The following PSME1 variants were observed in gnomAD, a reference collection of about 807,000 sequenced individuals.
PSME1 encodes proteasome activator subunit 1, also known as proteasome activator complex subunit 1.
PSME1 carries 15 observed loss-of-function variants against 38.4 expected under a neutral mutation model. That is an observed-to-expected ratio of 0.39 (90% confidence interval 0.26 to 0.60). PSME1 has a LOEUF of 0.60. Ranked by LOEUF, PSME1 falls within the 20% of genes least tolerant of loss-of-function variation. PSME1 has a pLI of 0.53. For synonymous variants in PSME1, 106 were observed against 106.8 expected (o/e 0.99, Z 0.05); for missense variants, 249 against 305.6 (o/e 0.81, Z 1.38).
In PSME1 at chr14:24,137,173, A is replaced by C. The variant is rs781177768; in HGVS notation, c.103A>C (p.Lys35Gln). 1.2e-6 allele frequency: 2 copies of C among 1,614,006 alleles called. No individual in the cohort carries two copies. Among genetic ancestry groups the C allele is most frequent in the Admixed American group, 3.3e-5 (2 of 60,002 alleles). Residue 35 changes from lysine to glutamine, a missense_variant, in exon 3 of 11, where the codon AAG becomes CAG. Transcript: ENST00000206451. The part of the protein sequence containing the change: ...TENLLGSYFP[K>Q]KISELDAFLK... ...GAACCTGCTCGGGAGCTATTTCCCC[A>C]AGAAGATTTCTGAGCTGGATGCATT... is the stretch of plus-strand genomic sequence containing the variant.
Position 24,138,342 on chromosome 14 carries a change from C to T in PSME1, c.528-3C>T, listed in dbSNP as rs984187241. The T allele has an allele frequency of 1.9e-6, 3 of 1,614,062 alleles. No homozygotes were observed. The highest frequency in any genetic ancestry group is 2.5e-6 in the Non-Finnish European group (3 of 1,180,040). On this transcript the variant is annotated splice_region_variant and splice_polypyrimidine_tract_variant and intron_variant, in intron 8 of 10. Transcript: ENST00000206451. The stretch of plus-strand genomic sequence containing the variant: ...TACTCCATACACACTTCTCCTTCCA[C>T]AGGTATTTCTCTGAGCGTGGTGATG...
intron 6 of PSME1, 54 bp from the exon 7 acceptor site, chr14:24,137,995 A>T (rs1314806596): frequency 6.3e-7 from 1 of 1,596,910 alleles, no homozygotes; most frequent in Non-Finnish European, 8.6e-7. Flanking sequence ...GAGAATATGA[A>T]ACTGGGAATT....
rs374696333 is a variant in PSME1, at chr14:24,138,484, G to A, written c.593G>A (p.Arg198Gln). 1.2e-5 allele frequency: 20 copies of A among 1,614,002 alleles called. No individual in the cohort carries two copies. Among genetic ancestry groups the A allele is most frequent in the Non-Finnish European group, 1.4e-5 (17 of 1,180,024 alleles). Residue 198 changes from arginine (R) to glutamine (Q), a missense_variant, in exon 10 of 11, where the codon CGG (arginine) becomes CAG (glutamine). Transcript: ENST00000206451. ...CCGAGCTTCCCACAGGGTGATTATC[G>A]GCAGCTGGTGCACGAGCTGGATGAG... The part of the protein sequence containing the change: ...AAKQPHVGDY[R>Q]QLVHELDEAE...
rs201818976 is a variant in PSME1, at chr14:24,136,312, C to T, written c.39+11C>T. On this transcript the variant is annotated intron_variant, in intron 1 of 10. Transcript: ENST00000206451. The surrounding 1 kb of genome is among the most constrained non-coding windows in gnomAD (Gnocchi z 4.8). ...GAGGCCCAAGCCAAGGTGAGCGCCG[C>T]GGGGTCTAGAAAGGGCCCACTGGGG... 2.0e-5 allele frequency: 30 copies of T among 1,521,932 alleles called. No homozygotes were observed. In the East Asian group the frequency reaches 8.3e-4, roughly 42 times the overall value. 94.3% of individuals were successfully genotyped at this position (1,521,932 alleles called of 1,614,324 possible).
In PSME1 at chr14:24,137,477, T is replaced by C. The variant is rs773427113; in HGVS notation, c.247-43T>C. 3.2e-5 allele frequency: 51 copies of C among 1,613,786 alleles called. No homozygotes were observed. The Admixed American group carries it at 5.2e-4, about 16-fold the overall frequency. ...AGAAGGGATCCAACTATGGGGGTAA[T>C]CAACCTTAGTCCTGACTCTCATGAG... On this transcript the variant is annotated intron_variant, in intron 4 of 10. Coordinates refer to ENST00000206451, the MANE Select transcript of PSME1 (RefSeq NM_006263.4).
At chr14:24,138,670 A>C in intron 10 of PSME1, 66 bp from the exon 11 acceptor site, 1 of 1,613,578 alleles carries the variant, frequency 6.2e-7, no homozygotes, top group Non-Finnish European at 8.5e-7. Flanking sequence ...GCTTCTCCAC[A>C]AGGCTAGAAA....
Position 24,136,198 on chromosome 14 carries a change from C to T in PSME1, c.-65C>T. On this transcript the variant is annotated 5_prime_UTR_variant, in exon 1 of 11. Coordinates refer to ENST00000206451, the MANE Select transcript of PSME1 (RefSeq NM_006263.4). The surrounding 1 kb of genome is among the most constrained non-coding windows in gnomAD (Gnocchi z 4.8). ...GGAGCTGGGTGCGAGCGCCCTACCG[C>T]TTTCGCTTTCCCTTCGCGGTGCCCA... The T allele has an allele frequency of 6.7e-7, 1 of 1,494,064 alleles. No homozygotes were observed. Among genetic ancestry groups the T allele is most frequent in the Non-Finnish European group, 9.0e-7 (1 of 1,114,778 alleles). 92.6% of individuals were successfully genotyped at this position (1,494,064 alleles called of 1,614,324 possible).
chr14:24,136,195 C>T lies in PSME1; in HGVS notation c.-68C>T, dbSNP rs1349228113. 4.7e-6 allele frequency: 7 copies of T among 1,487,500 alleles called. No homozygotes were observed. The highest frequency in any genetic ancestry group is 1.3e-5 in the South Asian group (1 of 78,882). 92.1% of individuals were successfully genotyped at this position (1,487,500 alleles called of 1,614,324 possible). On this transcript the variant is annotated 5_prime_UTR_variant, in exon 1 of 11. Transcript: ENST00000206451. This position sits in a 1 kb window ranked among gnomAD's most constrained non-coding sequence, Gnocchi z 4.8. ...GGCGGAGCTGGGTGCGAGCGCCCTA[C>T]CGCTTTCGCTTTCCCTTCGCGGTGC...
rs567181540 is a variant in PSME1, at chr14:24,136,206, T to C, written c.-57T>C. 2.3e-5 allele frequency: 35 copies of C among 1,502,762 alleles called. No individual in the cohort carries two copies. The highest frequency in any genetic ancestry group is 3.1e-5 in the Non-Finnish European group (35 of 1,122,168). 93.1% of individuals were successfully genotyped at this position (1,502,762 alleles called of 1,614,324 possible). ...GTGCGAGCGCCCTACCGCTTTCGCT[T>C]TCCCTTCGCGGTGCCCACTCCACTC... On this transcript the variant is annotated 5_prime_UTR_variant, in exon 1 of 11. Coordinates refer to ENST00000206451, the MANE Select transcript of PSME1 (RefSeq NM_006263.4). This position sits in a 1 kb window ranked among gnomAD's most constrained non-coding sequence, Gnocchi z 4.8.
chr14:24,138,086 A>T lies in PSME1; in HGVS notation c.428A>T (p.Glu143Val). 6.2e-7 allele frequency: 1 copy of T among 1,614,204 alleles called. No homozygotes were observed. Among genetic ancestry groups the T allele is most frequent in the Non-Finnish European group, 8.5e-7 (1 of 1,180,028 alleles). Residue 143 changes from glutamate (E) to valine (V), a missense_variant, in exon 7 of 11, where the codon GAG (glutamate) becomes GTG (valine). By Grantham distance (121) the Glu-to-Val change is moderately radical. Transcript: ENST00000206451. ...TWLQLQIPRIEDGNNFGVAVQ... is the reference protein window; with the variant it reads ...TWLQLQIPRIVDGNNFGVAVQ... Reference sequence around the variant, plus strand: ...TTGCAGCTGCAGATACCTCGGATTGAGGATGGTAACAATTTTGGAGTGGCT... The same window carrying T: ...TTGCAGCTGCAGATACCTCGGATTGTGGATGGTAACAATTTTGGAGTGGCT...
At position 24,137,126 on chromosome 14, in the gene PSME1, C is replaced by T. The variant is rs769699987; in HGVS notation, c.73-17C>T. The T allele has an allele frequency of 3.5e-5, 56 of 1,613,976 alleles. No individual in the cohort carries two copies. The highest frequency in any genetic ancestry group is 4.2e-5 in the Non-Finnish European group (50 of 1,179,942). ...GATGCTGACTCCCATCCTCCTCCAC[C>T]CCCACCTCACACACAGACAGAGAAC... On this transcript the variant is annotated splice_polypyrimidine_tract_variant and intron_variant, in intron 2 of 10. Coordinates refer to ENST00000206451, the MANE Select transcript of PSME1 (RefSeq NM_006263.4).
chr14:24,136,251 C>T lies in PSME1; in HGVS notation c.-12C>T, dbSNP rs767533935. On this transcript the variant is annotated 5_prime_UTR_variant, in exon 1 of 11. Coordinates refer to ENST00000206451, the MANE Select transcript of PSME1 (RefSeq NM_006263.4). This position sits in a 1 kb window ranked among gnomAD's most constrained non-coding sequence, Gnocchi z 4.8. The stretch of plus-strand genomic sequence containing the variant: ...CCACTCCTTGTGCGGCGCTAGGCCC[C>T]CCGTCCCGGTCATGGCCATGCTCAG... The T allele has an allele frequency of 1.3e-6, 2 of 1,524,190 alleles. No homozygotes were observed. The highest frequency in any genetic ancestry group is 1.4e-5 in the African/African-American group (1 of 69,436). The allele number at this position is 1,524,190 out of a possible 1,614,324, so 94.4% of individuals were successfully genotyped here. A position where few individuals can be genotyped will look rare whatever the true frequency, so the allele number is the denominator to read the frequency against.
Position 24,138,380 on chromosome 14 carries a change from C to T in PSME1, c.563C>T (p.Ala188Val). ...GAGCGTGGTGATGCAGTGACTAAAG[C>T]AGCCAAGCAGCCCCATGTGGTAGGT... ...FSERGDAVTK[A>V]AKQPHVGDYR... Residue 188 changes from alanine to valine, a missense_variant, in exon 9 of 11, where the codon GCA becomes GTA. Ala to Val is a moderately conservative substitution (Grantham distance 64, BLOSUM62 0). Transcript: ENST00000206451. The T allele has an allele frequency of 1.2e-6, 2 of 1,614,194 alleles. No homozygotes were observed. Among genetic ancestry groups the T allele is most frequent in the Non-Finnish European group, 1.7e-6 (2 of 1,180,036 alleles).
chr14:24,138,891 C>T lies in PSME1; in HGVS notation c.*75C>T, dbSNP rs922337284. The T allele has an allele frequency of 1.3e-6, 2 of 1,591,836 alleles. No homozygotes were observed. The highest frequency in any genetic ancestry group is 2.7e-5 in the African/African-American group (2 of 74,268). Reference sequence around the variant, plus strand: ...TTTACTGGGGACTCCAGATTTTCCCCAAACTTGCTTCTGTTGAGATTTTTC... The same window carrying T: ...TTTACTGGGGACTCCAGATTTTCCCTAAACTTGCTTCTGTTGAGATTTTTC... On this transcript the variant is annotated 3_prime_UTR_variant, in exon 11 of 11. Coordinates refer to ENST00000206451, the MANE Select transcript of PSME1 (RefSeq NM_006263.4).
chr14:24,137,469 G>A, intron 4 of PSME1, 38 bp downstream of exon 4: 1 of 1,613,960 alleles, frequency 6.2e-7, no homozygotes, highest in South Asian at 1.1e-5. Context: ...ATCCAACTAT[G>A]GGGGTAATCA....
At chr14:24,137,261 C>T (rs2037921907) in intron 3 of PSME1, 56 bp downstream of exon 3, 5 of 1,610,738 alleles carry the variant, frequency 3.1e-6, no homozygotes, top group Non-Finnish European at 4.2e-6. Context: ...AGTCTGGAGG[C>T]TGTGAGAGTG....
rs373078201 is a variant in PSME1, at chr14:24,137,401, A to G, written c.216A>G (p.Lys72=). The G allele has an allele frequency of 4.3e-6, 7 of 1,614,060 alleles. No homozygotes were observed. The African/African-American group carries it at 6.7e-5, about 15-fold the overall frequency. The part of the protein sequence containing the change: ...DIPVPDPVKE[K]EKEERKKQQE... ...CAGTGCCTGATCCAGTCAAGGAGAA[A>G]GAGAAAGAGGAGCGGAAGAAACAGC... Residue 72 remains lysine (K), a synonymous_variant, in exon 4 of 11, where the codon AAA becomes AAG. Transcript: ENST00000206451.
In PSME1 at chr14:24,136,296, G is replaced by A. The variant is rs1019781277; in HGVS notation, c.34G>A (p.Ala12Thr). 1 of 1,526,976 alleles carries A rather than the reference G, an allele frequency of 6.5e-7. No homozygotes were observed. The highest frequency in any genetic ancestry group is 2.1e-5 in the Admixed American group (1 of 48,254). 94.6% of individuals were successfully genotyped at this position (1,526,976 alleles called of 1,614,324 possible). A position where few individuals can be genotyped will look rare whatever the true frequency, so the allele number is the denominator to read the frequency against. ...AMLRVQPEAQ[A>T]KVDVFREDLC... ...GCTCAGGGTCCAGCCCGAGGCCCAA[G>A]CCAAGGTGAGCGCCGCGGGGTCTAG... is the stretch of plus-strand genomic sequence containing the variant. Residue 12 changes from alanine (A) to threonine (T), a missense_variant, in exon 1 of 11, where the codon GCC becomes ACC. Ala to Thr is a moderately conservative substitution (Grantham distance 58, BLOSUM62 0). Transcript: ENST00000206451. This position sits in a 1 kb window ranked among gnomAD's most constrained non-coding sequence, Gnocchi z 4.8.
At chr14:24,137,072 C>T in intron 2 of PSME1, 55 bp downstream of exon 2, 1 of 1,614,016 alleles carries the variant, frequency 6.2e-7, no homozygotes, top group Non-Finnish European at 8.5e-7. Context: ...TACTGCTCAA[C>T]CCTGCCTCAC....
Sources: gnomAD v4.1 joint callset for allele counts on GRCh38, gnomAD v4.1.1 for gene constraint, Gnocchi (gnomAD v3.1) non-coding constraint, MANE v1.5 for transcripts, NCBI Gene and HGNC (gene_info 2026-07-23, HGNC 2026-07-21) for gene names.